Variants in CUX1 observed in about 807,000 individuals in gnomAD.
CUX1 encodes the protein cut like homeobox 1, also known as protein CASP.
CUX1 carries 31 observed loss-of-function variants against 158.8 expected under a neutral mutation model. The ratio of observed to expected loss-of-function variants is 0.20; its 90% CI spans 0.15 to 0.26. The LOEUF (loss-of-function observed/expected upper bound fraction) is 0.26, where lower values mean the gene tolerates loss of function less well. Ranked by LOEUF, CUX1 falls within the 10% of genes least tolerant of loss-of-function variation. The pLI is 1.00. For missense variants in CUX1, 1,589 were observed against 2,014.6 expected (o/e 0.79, Z 4.04); for synonymous variants, 879 against 862.1 (o/e 1.02, Z -0.34).
chr7:102,113,665 C>G (rs781984155), intron 7 of CUX1, among the ~76,000 whole-genome samples: 1 of 151,050 alleles, frequency 6.6e-6, no homozygotes, highest in Non-Finnish European at 1.5e-5. Context: ...TGAAGTGATC[C>G]TCCTGCCTCA....
chr7:102,281,561 G>A (rs1230578558), intron 20 of CUX1, among the ~76,000 whole-genome samples: 2 of 152,086 alleles, frequency 1.3e-5, no homozygotes, highest in African/African-American at 4.8e-5. Flanking sequence ...TACTCAGGAG[G>A]CTGAGGCAGG....
chr7:102,217,489 C>G (rs1156394020), intron 20 of CUX1, among the ~76,000 whole-genome samples: 1 of 152,258 alleles, frequency 6.6e-6, no homozygotes, highest in Admixed American at 6.5e-5. Flanking sequence ...TTTCTAAGAT[C>G]ATTTCTCCCC....
At chr7:102,225,902 C>G (rs1447073679) in intron 20 of CUX1, among the ~76,000 whole-genome samples, 3 of 152,234 alleles carry the variant, frequency 2.0e-5, no homozygotes, top group African/African-American at 7.2e-5. Flanking sequence ...GGGTCTTACT[C>G]TGTGTCACCC....
At chr7:101,908,669 G>C (rs909672570) in intron 1 of CUX1, among the ~76,000 whole-genome samples, 1 of 151,978 alleles carries the variant, frequency 6.6e-6, no homozygotes, top group Non-Finnish European at 1.5e-5. Flanking sequence ...TGGTCCTGTC[G>C]GCCTTGTTGC....
chr7:101,887,842 CA>C (rs1384418454), intron 1 of CUX1, among the ~76,000 whole-genome samples: 10,250 of 134,382 alleles, frequency 0.076, 434 homozygotes, highest in Non-Finnish European at 0.12. Context: ...ATGACGGTGA[CA>C]TTTTTTTTTT....
chr7:102,254,149 T>C lies in CUX1; in HGVS notation c.*5107T>C, dbSNP rs1278795022. The C allele has an allele frequency of 1.0e-6, 1 of 985,338 alleles. No homozygotes were observed. Among genetic ancestry groups the C allele is most frequent in the African/African-American group, 1.7e-5 (1 of 57,228 alleles). The allele number at this position is 985,338 out of a possible 1,614,324, so 61.0% of individuals were successfully genotyped here. On this transcript the variant is annotated 3_prime_UTR_variant, in exon 24 of 24. Transcript: ENST00000292535. ...CACACGGATGTTTCCCTTCCACCTG[T>C]TCCCAAAGCTCCAGCAGCTGTTTCT...
At chr7:101,989,877 C>T (rs1814875187) in intron 2 of CUX1, among the ~76,000 whole-genome samples, 1 of 152,246 alleles carries the variant, frequency 6.6e-6, no homozygotes, top group South Asian at 2.1e-4. Context: ...ATAGAAGACA[C>T]TCAAAGTCTG....
chr7:102,132,328 C>CACA (rs1379227055), intron 8 of CUX1, among the ~76,000 whole-genome samples: 3 of 1,362 alleles, frequency 2.2e-3, no homozygotes, highest in Non-Finnish European at 3.9e-3. Context: ...CGCGCGCACG[C>CACA]CACGCACACA....
chr7:102,202,040 C>T lies in CUX1; in HGVS notation c.2743C>T (p.Pro915Ser), dbSNP rs782696365. 4 of 1,614,132 alleles carry T rather than the reference C, an allele frequency of 2.5e-6. No homozygotes were observed. Among genetic ancestry groups the T allele is most frequent in the Non-Finnish European group, 2.5e-6 (3 of 1,180,018 alleles). Residue 915 changes from proline to serine, a missense_variant, in exon 18 of 24, where the codon CCG (proline) becomes TCG (serine). Physicochemically the swap from Pro to Ser is moderately conservative, Grantham distance 74. This residue lies in a region of CUX1 where 337 missense variants were observed against 409.3 expected (regional missense o/e 0.82). Transcript: ENST00000292535. ...ACAGAACAGCCCCCTGCCATCCTCC[C>T]CGATCGTGCCCATGTCCAAGCCCAC... is the stretch of plus-strand genomic sequence containing the variant. The part of the protein sequence containing the change: ...TPQNSPLPSS[P>S]IVPMSKPTKP...
intron 2 of CUX1, among the ~76,000 whole-genome samples, chr7:101,957,302 A>T (rs965634083): frequency 9.2e-5 from 14 of 152,374 alleles, no homozygotes; most frequent in South Asian, 6.2e-4. Flanking sequence ...GGTGAACATG[A>T]GGACACTGGA....
At chr7:101,920,664 G>A (rs1804811350) in intron 2 of CUX1, among the ~76,000 whole-genome samples, 1 of 152,214 alleles carries the variant, frequency 6.6e-6, no homozygotes, top group Non-Finnish European at 1.5e-5. Context: ...TCCAGAAATT[G>A]TAGTTAATTT....
At chr7:101,935,124 C>T (rs992481995) in intron 2 of CUX1, among the ~76,000 whole-genome samples, 2 of 152,122 alleles carry the variant, frequency 1.3e-5, no homozygotes, top group Admixed American at 6.5e-5. Context: ...CATTCCACCA[C>T]AAAAGAAGTG....
intron 2 of CUX1, among the ~76,000 whole-genome samples, chr7:101,929,515 C>G (rs1157123764): frequency 6.6e-6 from 1 of 152,206 alleles, no homozygotes; most frequent in Non-Finnish European, 1.5e-5. Context: ...GAAAAGCACT[C>G]TCTGCCTCTT....
chr7:101,914,055 C>CTTT (rs75163624), intron 1 of CUX1, among the ~76,000 whole-genome samples: 1 of 145,046 alleles, frequency 6.9e-6, no homozygotes, highest in Non-Finnish European at 1.5e-5. Context: ...TTCGGTTGCT[C>CTTT]TTTTTTTTTT....
chr7:102,011,190 T>A (rs1585265767), intron 2 of CUX1, among the ~76,000 whole-genome samples: 3 of 152,234 alleles, frequency 2.0e-5, no homozygotes, highest in Middle Eastern at 3.4e-3. Context: ...TCTGGATATA[T>A]CATTGTATGG....
At chr7:102,072,293 A>G (rs569847449) in intron 4 of CUX1, among the ~76,000 whole-genome samples, 5 of 152,338 alleles carry the variant, frequency 3.3e-5, no homozygotes, top group Admixed American at 3.3e-4. Flanking sequence ...CATGTAAATG[A>G]AGTGGTGGCC....
At chr7:101,946,132 G>A (rs1808331821) in intron 2 of CUX1, among the ~76,000 whole-genome samples, 1 of 152,302 alleles carries the variant, frequency 6.6e-6, no homozygotes, top group Non-Finnish European at 1.5e-5. Flanking sequence ...TGGACAGACA[G>A]AGTAGAAGAA....
intron 8 of CUX1, among the ~76,000 whole-genome samples, chr7:102,138,138 C>G (rs1371162225): frequency 2.0e-5 from 3 of 151,978 alleles, no homozygotes; most frequent in Non-Finnish European, 4.4e-5. Flanking sequence ...GAGCCAAAAT[C>G]GTGCCACTGC....
At chr7:102,216,691 A>ACG (rs1797210250) in intron 20 of CUX1, among the ~76,000 whole-genome samples, 1 of 135,638 alleles carries the variant, frequency 7.4e-6, no homozygotes, top group African/African-American at 2.8e-5. Flanking sequence ...ACTCCCCCAC[A>ACG]CACACTCCCA....
Sources: gnomAD v4.1 joint callset for allele counts (sites outside exome capture counted in the v4.1 genomes callset) on GRCh38, gnomAD v4.1.1 for gene constraint, gnomAD v4.1.1 regional missense constraint, MANE v1.5 for transcripts, NCBI Gene and HGNC (gene_info 2026-07-23, HGNC 2026-07-21) for gene names.